TRIM23: variants seen among roughly 807,000 people sequenced by gnomAD.
TRIM23 encodes the protein E3 ubiquitin-protein ligase TRIM23.
Under a neutral mutation model 71.0 loss-of-function variants are expected in TRIM23, and 27 were observed. The ratio of observed to expected loss-of-function variants is 0.38; its 90% CI spans 0.28 to 0.52. TRIM23 has a LOEUF of 0.52. TRIM23 is among the 20% of genes least tolerant of loss of function. The probability of loss-of-function intolerance (pLI) is 0.84; values close to 1 mark genes in which losing one functional copy is unlikely to be tolerated. For missense variants in TRIM23, 482 were observed against 692.3 expected (o/e 0.70, Z 3.41); for synonymous variants, 234 against 238.0 (o/e 0.98, Z 0.16).
At chr5:65,604,780 T>C in intron 7 of TRIM23, 131 bp downstream of exon 7, 2 of 794,784 alleles carry the variant, frequency 2.5e-6, no homozygotes, top group South Asian at 6.4e-5. Context: ...TATTTTCCAC[T>C]GATAAAAGTT....
At chr5:65,621,376 T>C (rs1368696047) in intron 1 of TRIM23, among the ~76,000 whole-genome samples, 1 of 152,154 alleles carries the variant, frequency 6.6e-6, no homozygotes, top group Admixed American at 6.5e-5. Flanking sequence ...GAATTTGATA[T>C]AAAATAAATG....
intron 10 of TRIM23, 129 bp downstream of exon 10, chr5:65,594,392 A>T: frequency 8.2e-7 from 1 of 1,226,210 alleles, no homozygotes; most frequent in Non-Finnish European, 1.1e-6. Flanking sequence ...TTTCACATAG[A>T]TTGTACTCAA....
At chr5:65,622,183 T>G (rs1178762302) in intron 1 of TRIM23, among the ~76,000 whole-genome samples, 1 of 152,100 alleles carries the variant, frequency 6.6e-6, no homozygotes, top group Non-Finnish European at 1.5e-5. Context: ...CTTTTATTTT[T>G]CAGATGGAGT....
intron 1 of TRIM23, among the ~76,000 whole-genome samples, chr5:65,620,012 G>T (rs1364904935): frequency 6.6e-6 from 1 of 152,174 alleles, no homozygotes. Context: ...TTGAGCCTGG[G>T]AGGCGGAGGT....
chr5:65,597,377 C>G (rs1204926552), intron 7 of TRIM23, among the ~76,000 whole-genome samples, 197 bp from the exon 8 acceptor site: 1 of 144,626 alleles, frequency 6.9e-6, no homozygotes, highest in Admixed American at 6.9e-5. Flanking sequence ...AAACTGACCA[C>G]TTTGTCTTTG....
intron 9 of TRIM23, among the ~76,000 whole-genome samples, chr5:65,594,882 C>T (rs1207061767): frequency 2.0e-5 from 3 of 152,182 alleles, no homozygotes; most frequent in African/African-American, 7.2e-5. Context: ...ATTTACAACA[C>T]TTGCTCTATC....
intron 7 of TRIM23, among the ~76,000 whole-genome samples, chr5:65,603,477 G>C (rs1391127045): frequency 6.6e-6 from 1 of 152,120 alleles, no homozygotes; most frequent in Non-Finnish European, 1.5e-5. Context: ...TTAAATCCAA[G>C]TGGTGTGCAT....
chr5:65,590,699 G>C lies in TRIM23; in HGVS notation c.*1070C>G, dbSNP rs1343000846. 7.1e-6 allele frequency: 7 copies of C among 983,934 alleles called. No homozygotes were observed. The East Asian group carries it at 4.5e-4, about 63-fold the overall frequency. The allele number at this position is 983,934 out of a possible 1,614,324, so 61.0% of individuals were successfully genotyped here. A position where few individuals can be genotyped will look rare whatever the true frequency, so the allele number is the denominator to read the frequency against. On this transcript the variant is annotated 3_prime_UTR_variant, in exon 11 of 11. Coordinates refer to ENST00000231524, the MANE Select transcript of TRIM23 (RefSeq NM_001656.4). ...ACTTTTTGAATTTTTTTTTTCTTTA[G>C]ACATTTTTCCTCTAGAGTAACTTTT...
intron 10 of TRIM23, among the ~76,000 whole-genome samples, chr5:65,593,032 A>G (rs2150619104): frequency 6.6e-6 from 1 of 151,164 alleles, no homozygotes; most frequent in African/African-American, 2.4e-5. Flanking sequence ...CTGTAGGATA[A>G]CCTTTGGATA....
intron 3 of TRIM23, chr5:65,613,578 T>G: frequency 1.9e-6 from 1 of 524,788 alleles, no homozygotes; most frequent in Non-Finnish European, 2.5e-6. Context: ...TCATGGATTC[T>G]GATATTTACT....
At chr5:65,617,476 G>A (rs571551549) in intron 2 of TRIM23, among the ~76,000 whole-genome samples, 5 of 152,164 alleles carry the variant, frequency 3.3e-5, no homozygotes, top group Admixed American at 2.6e-4. Flanking sequence ...CAGAACTTAC[G>A]TTTGTAAAAT....
chr5:65,591,649 A>T lies in TRIM23; in HGVS notation c.*120T>A, dbSNP rs1007133400. ...AATTCCCAATCCAAGATTCCTTTAT[A>T]TATATATATATATATATGCATCCTA... is the stretch of plus-strand genomic sequence containing the variant. On this transcript the variant is annotated 3_prime_UTR_variant, in exon 11 of 11. Transcript: ENST00000231524. 2.5e-6 allele frequency: 2 copies of T among 785,458 alleles called. No homozygotes were observed. The highest frequency in any genetic ancestry group is 3.4e-6 in the Non-Finnish European group (2 of 592,700). 48.7% of individuals were successfully genotyped at this position (785,458 alleles called of 1,614,324 possible).
At chr5:65,595,725 C>CAA (rs34644834) in intron 9 of TRIM23, among the ~76,000 whole-genome samples, 78 of 149,220 alleles carry the variant, frequency 5.2e-4, no homozygotes, top group African/African-American at 5.9e-4. Flanking sequence ...GATTCTGTCT[C>CAA]AAAAAAAAAA....
intron 3 of TRIM23, 35 bp from the exon 4 acceptor site, chr5:65,611,916 C>A (rs752180805): frequency 6.3e-7 from 1 of 1,591,348 alleles, no homozygotes; most frequent in Non-Finnish European, 8.6e-7. Flanking sequence ...TAAAATTGAA[C>A]CCAATCAGTA....
intron 1 of TRIM23, among the ~76,000 whole-genome samples, chr5:65,618,887 C>G (rs1754843995): frequency 6.6e-6 from 1 of 152,134 alleles, no homozygotes; most frequent in South Asian, 2.1e-4. Flanking sequence ...GCTCTAGTTA[C>G]AGACACATGA....
chr5:65,611,814 TGA>T lies in TRIM23; in HGVS notation c.432_433del (p.His145PhefsTer4). The stretch of plus-strand genomic sequence containing the variant: ...AACTTGAGAACACTCAGAGCACAAA[TGA>T]GTTGCACACACAGTGCAATATACAG... On this transcript the variant is annotated frameshift_variant, in exon 4 of 11. Transcript: ENST00000231524. LOFTEE classifies it high-confidence loss of function. 1 of 1,614,168 alleles carries T rather than the reference TGA, an allele frequency of 6.2e-7. No homozygotes were observed. The highest frequency in any genetic ancestry group is 2.2e-5 in the East Asian group (1 of 44,882).
At chr5:65,598,951 A>T (rs1375416122) in intron 7 of TRIM23, among the ~76,000 whole-genome samples, 1 of 152,210 alleles carries the variant, frequency 6.6e-6, no homozygotes, top group Non-Finnish European at 1.5e-5. Flanking sequence ...ACAAACTAGG[A>T]GTAGCAGGAA....
In TRIM23 at chr5:65,611,819, T is replaced by C. The variant is rs778158987; in HGVS notation, c.429A>G (p.Ala143=). Residue 143 remains alanine, a synonymous_variant, in exon 4 of 11, where the codon GCA becomes GCG. Transcript: ENST00000231524. ...GAGAACACTCAGAGCACAAATGAGTTGCACACACAGTGCAATATACAGAGG... is the reference window on the plus strand; with the variant it reads ...GAGAACACTCAGAGCACAAATGAGTCGCACACACAGTGCAATATACAGAGG... ...HLASVYCTVC[A]THLCSECSQV... is the part of the protein sequence containing the mutation. The C allele has an allele frequency of 6.8e-6, 11 of 1,614,192 alleles. No homozygotes were observed. The South Asian group carries it at 8.8e-5, about 13-fold the overall frequency.
chr5:65,612,030 A>G (rs755244925), intron 3 of TRIM23, 149 bp from the exon 4 acceptor site: 7 of 753,122 alleles, frequency 9.3e-6, no homozygotes, highest in Non-Finnish European at 1.4e-5. Flanking sequence ...AGGTCATTCA[A>G]TACTCATCTG....
Sources: allele counts gnomAD v4.1 joint callset (sites outside exome capture counted in the v4.1 genomes callset), GRCh38; gene constraint gnomAD v4.1.1; transcripts MANE v1.5; gene names NCBI Gene and HGNC (gene_info 2026-07-23, HGNC 2026-07-21).